The following FSTL5 variants were observed in gnomAD, a reference collection of about 807,000 sequenced individuals.
FSTL5 encodes the protein follistatin-related protein 5.
A neutral mutation model predicts 89.1 loss-of-function variants in FSTL5; 62 were observed. The observed-to-expected ratio is 0.70, with a 90% CI of 0.57 to 0.86. The LOEUF is 0.86. Ranked by LOEUF, FSTL5 falls within the 40% of genes least tolerant of loss-of-function variation. The probability of loss-of-function intolerance (pLI) is 0.00; values close to 1 mark genes in which losing one functional copy is unlikely to be tolerated. For synonymous variants in FSTL5, 383 were observed against 346.2 expected (o/e 1.11, Z -1.18); for missense variants, 1,057 against 1,001.6 (o/e 1.06, Z -0.75).
intron 2 of FSTL5, among the ~76,000 whole-genome samples, chr4:162,068,727 G>A (rs182620634): frequency 1.5e-3 from 228 of 152,172 alleles, no homozygotes; most frequent in South Asian, 1.5e-3. Context: ...AAGAGCTTAT[G>A]TACAGCAAAA....
intron 6 of FSTL5, among the ~76,000 whole-genome samples, chr4:161,689,388 G>A (rs1239673909): frequency 6.6e-6 from 1 of 151,988 alleles, no homozygotes; most frequent in African/African-American, 2.4e-5. Flanking sequence ...AATGTGGTTG[G>A]TTTGAATTGT....
chr4:161,674,738 A>G (rs965516153), intron 6 of FSTL5, among the ~76,000 whole-genome samples: 3 of 152,164 alleles, frequency 2.0e-5, no homozygotes, highest in Non-Finnish European at 4.4e-5. Flanking sequence ...TTAACATTTT[A>G]TCAGGAAAAA....
At chr4:162,138,314 A>G in intron 1 of FSTL5, among the ~76,000 whole-genome samples, 1 of 151,752 alleles carries the variant, frequency 6.6e-6, no homozygotes, top group East Asian at 1.9e-4. Flanking sequence ...TAGCTGAATT[A>G]ATTAGTTTGA....
At chr4:162,117,386 C>T (rs1731683063) in intron 1 of FSTL5, among the ~76,000 whole-genome samples, 1 of 152,064 alleles carries the variant, frequency 6.6e-6, no homozygotes, top group South Asian at 2.1e-4. Flanking sequence ...TTGGAGATGC[C>T]TTTTGGTAGT....
chr4:161,743,561 T>A (rs1416443384), intron 6 of FSTL5, among the ~76,000 whole-genome samples: 1 of 151,210 alleles, frequency 6.6e-6, no homozygotes, highest in Non-Finnish European at 1.5e-5. Flanking sequence ...TGAACTTTAG[T>A]TTTTTTTTCT....
At chr4:162,014,872 A>C (rs750947897) in intron 3 of FSTL5, among the ~76,000 whole-genome samples, 5 of 152,170 alleles carry the variant, frequency 3.3e-5, no homozygotes, top group Non-Finnish European at 7.4e-5. Context: ...TTAAAAAAAG[A>C]AGAAGGAAAG....
chr4:161,907,297 T>C lies in FSTL5; in HGVS notation c.409+13107A>G, dbSNP rs150887622. Among the ~76,000 whole-genome samples, 248 of 152,226 alleles carry C rather than the reference T, an allele frequency of 1.6e-3. 1 individual carries two copies. Among genetic ancestry groups the C allele is most frequent in the African/African-American group, 5.3e-3 (220 of 41,568 alleles). The stretch of plus-strand genomic sequence containing the variant: ...GCAATTGATATGGGTCTATCTGCCT[T>C]TTTCAAGTAAAAGTTAAACAAGAAT... On this transcript the variant is annotated intron_variant, in intron 4 of 15. Transcript: ENST00000306100.
chr4:161,777,459 A>G (rs1741451173), intron 4 of FSTL5, among the ~76,000 whole-genome samples: 1 of 152,020 alleles, frequency 6.6e-6, no homozygotes, highest in South Asian at 2.1e-4. Flanking sequence ...ATTAGTACAA[A>G]CACTATGAAG....
intron 4 of FSTL5, among the ~76,000 whole-genome samples, chr4:161,840,889 A>G (rs529333365): frequency 1.1e-4 from 16 of 152,264 alleles, no homozygotes; most frequent in East Asian, 5.8e-4. Context: ...AAATCAAAGG[A>G]GGAGGGAGAG....
rs539063995 is a variant in FSTL5, at chr4:161,641,775, C to T, written c.894+14553G>A. Among the ~76,000 whole-genome samples, 3 of 152,198 alleles carry T rather than the reference C, an allele frequency of 2.0e-5. No homozygotes were observed. The South Asian group carries it at 6.2e-4, about 32-fold the overall frequency. Reference sequence around the variant, plus strand: ...AAAATGCTGGGATTACAGGCATGAGCCACCGCACCTGGCCCAAATTAGAGA... The same window carrying T: ...AAAATGCTGGGATTACAGGCATGAGTCACCGCACCTGGCCCAAATTAGAGA... On this transcript the variant is annotated intron_variant, in intron 7 of 15. Coordinates refer to ENST00000306100, the MANE Select transcript of FSTL5 (RefSeq NM_020116.5).
chr4:161,591,611 A>T (rs1481392793), intron 7 of FSTL5, among the ~76,000 whole-genome samples: 1 of 152,220 alleles, frequency 6.6e-6, no homozygotes, highest in African/African-American at 2.4e-5. Context: ...ATCAAAAAAG[A>T]AAGAATAATT....
intron 6 of FSTL5, among the ~76,000 whole-genome samples, chr4:161,744,646 T>A (rs1740132010): frequency 6.6e-6 from 1 of 152,106 alleles, no homozygotes; most frequent in Non-Finnish European, 1.5e-5. Context: ...ACTTAATGGC[T>A]CTTAATGACC....
chr4:161,693,090 T>A (rs1173012504), intron 6 of FSTL5, among the ~76,000 whole-genome samples: 1 of 152,184 alleles, frequency 6.6e-6, no homozygotes, highest in Non-Finnish European at 1.5e-5. Context: ...TTGTTTATCA[T>A]CCAGTGTATG....
At chr4:161,769,221 A>C (rs1741123686) in intron 5 of FSTL5, among the ~76,000 whole-genome samples, 1 of 151,930 alleles carries the variant, frequency 6.6e-6, no homozygotes, top group South Asian at 2.1e-4. Flanking sequence ...CAAAAATAAG[A>C]CTGGGACCCA....
chr4:161,958,529 A>G (rs185048964), intron 3 of FSTL5, among the ~76,000 whole-genome samples: 36 of 152,212 alleles, frequency 2.4e-4, no homozygotes, highest in African/African-American at 8.7e-4. Flanking sequence ...TTACTTTTTA[A>G]GTTTTATTGA....
chr4:161,546,636 G>T (rs1179655082), intron 8 of FSTL5, among the ~76,000 whole-genome samples: 7 of 151,728 alleles, frequency 4.6e-5, no homozygotes, highest in African/African-American at 1.5e-4. Context: ...CAGATTTCTG[G>T]AAACGCAAGC....
chr4:161,976,836 G>A (rs1735664438), intron 3 of FSTL5, among the ~76,000 whole-genome samples: 1 of 152,092 alleles, frequency 6.6e-6, no homozygotes, highest in South Asian at 2.1e-4. Flanking sequence ...AGGACCTATG[G>A]AAAAGAAAAG....
intron 6 of FSTL5, among the ~76,000 whole-genome samples, chr4:161,746,364 T>C (rs1740204293): frequency 6.6e-6 from 1 of 152,188 alleles, no homozygotes; most frequent in Non-Finnish European, 1.5e-5. Flanking sequence ...AACTTCTGAT[T>C]TACCCAACTC....
At chr4:161,422,152 T>C (rs1392352238) in intron 15 of FSTL5, among the ~76,000 whole-genome samples, 1 of 152,072 alleles carries the variant, frequency 6.6e-6, no homozygotes, top group Non-Finnish European at 1.5e-5. Context: ...ATGGTATTGG[T>C]TCTGTTTCTT....
Sources: gnomAD v4.1 joint callset for allele counts (sites outside exome capture counted in the v4.1 genomes callset) on GRCh38, gnomAD v4.1.1 for gene constraint, MANE v1.5 for transcripts, NCBI Gene and HGNC (gene_info 2026-07-23, HGNC 2026-07-21) for gene names.